Variants in LRP2 observed in about 807,000 individuals in gnomAD.
LRP2 encodes the protein LDL receptor related protein 2.
Under a neutral mutation model 531.0 loss-of-function variants are expected in LRP2, and 172 were observed. The observed-to-expected ratio is 0.32, with a 90% CI of 0.29 to 0.37. The LOEUF (loss-of-function observed/expected upper bound fraction) is 0.37. Ranked by LOEUF, LRP2 falls within the 10% of genes least tolerant of loss-of-function variation. LRP2 has a pLI of 1.00. For synonymous variants in LRP2, 1,992 were observed against 2,027.6 expected (o/e 0.98, Z 0.47); for missense variants, 5,167 against 5,868.3 (o/e 0.88, Z 3.90).
intron 19 of LRP2, 147 bp downstream of exon 19, chr2:169,255,959 G>T: frequency 2.8e-6 from 2 of 713,396 alleles, no homozygotes; most frequent in Non-Finnish European, 4.5e-6. Flanking sequence ...CAAATGTTTT[G>T]TCTAAATATA....
chr2:169,256,238 TA>T lies in LRP2; in HGVS notation c.2640-3del. 1.2e-6 allele frequency: 2 copies of T among 1,610,320 alleles called. No individual in the cohort carries two copies. The highest frequency in any genetic ancestry group is 1.7e-6 in the Non-Finnish European group (2 of 1,177,312). On this transcript the variant is annotated splice_polypyrimidine_tract_variant and splice_region_variant and intron_variant, in intron 18 of 78. Coordinates refer to ENST00000649046, the MANE Select transcript of LRP2 (RefSeq NM_004525.3). ...TCTACCCAGTACAATCGTGAAGCACTAAAATAATAAAATATTTAGTTATCTC... is the reference window on the plus strand; with the variant it reads ...TCTACCCAGTACAATCGTGAAGCACTAAATAATAAAATATTTAGTTATCTC...
At chr2:169,137,308 G>A (rs887640468) in intron 76 of LRP2, 84 bp downstream of exon 76, 6 of 1,035,828 alleles carry the variant, frequency 5.8e-6, no homozygotes, top group South Asian at 5.0e-5. Flanking sequence ...TGGAGGGAAG[G>A]TTAGGAAAAT....
chr2:169,337,726 C>A (rs931150403), intron 1 of LRP2, among the ~76,000 whole-genome samples: 2 of 152,180 alleles, frequency 1.3e-5, no homozygotes, highest in African/African-American at 4.8e-5. Flanking sequence ...TCCATTCCAC[C>A]CAAAGTGGAA....
At chr2:169,343,429 G>T (rs551957010) in intron 1 of LRP2, among the ~76,000 whole-genome samples, 1 of 152,306 alleles carries the variant, frequency 6.6e-6, no homozygotes, top group East Asian at 1.9e-4. Flanking sequence ...CATGGTGGCT[G>T]CTTTGCTGCA....
At chr2:169,229,089 C>T (rs968085077) in intron 31 of LRP2, among the ~76,000 whole-genome samples, 19 of 152,130 alleles carry the variant, frequency 1.2e-4, no homozygotes, top group African/African-American at 4.3e-4. Context: ...CCTCAAGGAA[C>T]GCAGCATCTA....
rs1677146040 is a variant in LRP2 at position 169,128,394 on chromosome 2, T to C, written c.*269A>G. On this transcript the variant is annotated 3_prime_UTR_variant, in exon 79 of 79. Transcript: ENST00000649046. ...GCAAATTCAGTAACAGGATAATCTT[T>C]CCAAAATTTACAAATATACAATATA... 1 of 318,634 alleles carries C rather than the reference T, an allele frequency of 3.1e-6. No individual in the cohort carries two copies. The highest frequency in any genetic ancestry group is 2.2e-5 in the African/African-American group (1 of 45,898). 19.7% of individuals were successfully genotyped at this position (318,634 alleles called of 1,614,324 possible). A position where few individuals can be genotyped will look rare whatever the true frequency, so the allele number is the denominator to read the frequency against.
chr2:169,233,504 T>G lies in LRP2; in HGVS notation c.5005A>C (p.Asn1669His). 6.2e-7 allele frequency: 1 copy of G among 1,614,184 alleles called. No individual in the cohort carries two copies. Reference protein sequence around the residue: ...DRATRRVMRANKWHGGNQSVV... With the variant: ...DRATRRVMRAHKWHGGNQSVV... ...GACTGGTTCCCTCCATGCCACTTGT[T>G]GGCTCGCATAACCCGACGAGTAGCA... The change falls in exon 30 of 79, where the codon AAC becomes CAC. Residue 1669 changes from asparagine (N) to histidine (H), a missense_variant. Around this residue, in one of 6 missense-constraint regions of LRP2, gnomAD observed 2,811 missense variants for 3,058.0 expected, o/e 0.92. Transcript: ENST00000649046.
intron 13 of LRP2, among the ~76,000 whole-genome samples, chr2:169,277,435 T>A (rs957820295): frequency 6.6e-6 from 1 of 152,044 alleles, no homozygotes; most frequent in Non-Finnish European, 1.5e-5. Context: ...AAAGCACAAA[T>A]GAACTCAGGA....
chr2:169,246,646 T>C, intron 21 of LRP2, 59 bp downstream of exon 21: 3 of 1,586,958 alleles, frequency 1.9e-6, no homozygotes, highest in Non-Finnish European at 2.6e-6. Context: ...TTTATTTTCT[T>C]TAAAGCCCAC....
chr2:169,272,751 T>G (rs924873315), intron 15 of LRP2, among the ~76,000 whole-genome samples, 176 bp downstream of exon 15: 1 of 152,170 alleles, frequency 6.6e-6, no homozygotes, highest in Non-Finnish European at 1.5e-5. Flanking sequence ...GTTCTGTGTA[T>G]AGTAGAAGTG....
intron 19 of LRP2, among the ~76,000 whole-genome samples, chr2:169,255,765 T>TTGAAAA (rs1690279314): frequency 6.6e-6 from 1 of 152,210 alleles, no homozygotes; most frequent in African/African-American, 2.4e-5. Context: ...TGTTTTATTC[T>TTGAAAA]TGAAAATGAA....
intron 16 of LRP2, among the ~76,000 whole-genome samples, chr2:169,263,837 G>A (rs1391859837): frequency 6.6e-6 from 1 of 151,902 alleles, no homozygotes; most frequent in African/African-American, 2.4e-5. Flanking sequence ...CAAAGACTTG[G>A]AACCAACCCA....
chr2:169,275,926 C>T (rs568596689), intron 13 of LRP2, among the ~76,000 whole-genome samples: 7 of 152,038 alleles, frequency 4.6e-5, no homozygotes, highest in African/African-American at 1.7e-4. Flanking sequence ...GACTATGTCT[C>T]CATAAACAAT....
chr2:169,346,505 T>G (rs1685700639), intron 1 of LRP2, among the ~76,000 whole-genome samples: 1 of 152,206 alleles, frequency 6.6e-6, no homozygotes, highest in African/African-American at 2.4e-5. Context: ...ATATTCAATT[T>G]TATGCATTTG....
intron 16 of LRP2, among the ~76,000 whole-genome samples, chr2:169,264,553 A>C (rs1328043165): frequency 6.6e-6 from 1 of 152,082 alleles, no homozygotes; most frequent in African/African-American, 2.4e-5. Context: ...CTTCCTCCGA[A>C]ATTCTACTTA....
rs1683968211 is a variant in LRP2, at chr2:169,290,311, C to CTGTATA, written c.922+533_922+534insTATACA. Among the ~76,000 whole-genome samples the CTGTATA allele has an allele frequency of 6.2e-5, 7 of 112,720 alleles. No homozygotes were observed. The South Asian group carries it at 2.1e-3, about 34-fold the overall frequency. The allele number at this position is 112,720 out of a possible 152,430, so 73.9% of individuals were successfully genotyped here. A position where few individuals can be genotyped will look rare whatever the true frequency, so the allele number is the denominator to read the frequency against. ...TTTTTTTTAGTACAGCCAGACAAGG[C>CTGTATA]CTTTTTCCATAAGTATAAGCCAGGT... On this transcript the variant is annotated intron_variant, in intron 8 of 78. Transcript: ENST00000649046.
At position 169,176,396 on chromosome 2, in the gene LRP2, G is replaced by A. The variant is rs202034776; in HGVS notation, c.10571+15C>T. 1.2e-6 allele frequency: 2 copies of A among 1,614,048 alleles called. No individual in the cohort carries two copies. The highest frequency in any genetic ancestry group is 8.5e-7 in the Non-Finnish European group (1 of 1,179,994). Reference sequence around the variant, plus strand: ...GGCTAGAGAGGCACTGAGGAGAGGGGAAAGAGAGCCTTACTTTTCATTGTT... The same window carrying A: ...GGCTAGAGAGGCACTGAGGAGAGGGAAAAGAGAGCCTTACTTTTCATTGTT... On this transcript the variant is annotated intron_variant, in intron 54 of 78. Transcript: ENST00000649046.
At chr2:169,149,279 A>G (rs2105351689) in intron 68 of LRP2, among the ~76,000 whole-genome samples, 1 of 152,348 alleles carries the variant, frequency 6.6e-6, no homozygotes, top group African/African-American at 2.4e-5. Context: ...TGGTATTATC[A>G]GTAGTTATCA....
At chr2:169,173,047 CAT>C in intron 57 of LRP2, 47 bp downstream of exon 57, 1 of 1,612,098 alleles carries the variant, frequency 6.2e-7, no homozygotes, top group Non-Finnish European at 8.5e-7. Flanking sequence ...TGGCACTTGA[CAT>C]GTGCACTTTC....
Sources: allele counts gnomAD v4.1 joint callset (sites outside exome capture counted in the v4.1 genomes callset), GRCh38; gene constraint gnomAD v4.1.1; regional missense constraint gnomAD v4.1.1; transcripts MANE v1.5; gene names NCBI Gene and HGNC (gene_info 2026-07-23, HGNC 2026-07-21).